ST6GAL1: variants seen among roughly 807,000 people sequenced by gnomAD.
ST6GAL1 encodes the protein ST6 beta-galactoside alpha-2,6-sialyltransferase 1.
In ST6GAL1, 20 loss-of-function variants were observed where a neutral mutation model predicts 38.0. That is an observed-to-expected ratio of 0.53 (90% CI 0.37 to 0.77). ST6GAL1 has a LOEUF of 0.77. ST6GAL1 is among the 30% of genes least tolerant of loss of function. The pLI, the probability that ST6GAL1 is intolerant of heterozygous loss-of-function variation, is 0.00. For synonymous variants in ST6GAL1, 196 were observed against 188.2 expected, an observed-to-expected ratio of 1.04 and a Z score of -0.34; for missense variants, 432 against 496.4, an observed-to-expected ratio of 0.87 and a Z score of 1.23.
intron 5 of ST6GAL1, among the ~76,000 whole-genome samples, chr3:187,055,755 T>C (rs1422826722): frequency 6.6e-6 from 1 of 152,234 alleles, no homozygotes; most frequent in Non-Finnish European, 1.5e-5. Flanking sequence ...ATAAGTGCGA[T>C]GTGGTGCTGA....
chr3:186,947,696 G>A (rs986464240), intron 1 of ST6GAL1, among the ~76,000 whole-genome samples: 1 of 152,144 alleles, frequency 6.6e-6, no homozygotes, highest in African/African-American at 2.4e-5. Flanking sequence ...GTGGCCCCAG[G>A]CTACTTAATC....
intron 2 of ST6GAL1, chr3:186,986,671 G>A (rs1019639340): frequency 2.0e-5 from 3 of 152,140 alleles, no homozygotes; most frequent in Non-Finnish European, 4.4e-5. Flanking sequence ...AGGGTGACTA[G>A]AGTGACACGT....
chr3:187,005,945 A>T (rs1716772335), intron 2 of ST6GAL1, among the ~76,000 whole-genome samples: 1 of 152,114 alleles, frequency 6.6e-6, no homozygotes, highest in African/African-American at 2.4e-5. Context: ...GGCATCTTTG[A>T]CAAGATGGTG....
chr3:186,967,634 AGGC>A, intron 2 of ST6GAL1, among the ~76,000 whole-genome samples: 1 of 152,098 alleles, frequency 6.6e-6, no homozygotes, highest in African/African-American at 2.4e-5. Context: ...TGATTTGGGG[AGGC>A]ACTGCTACGT....
intron 2 of ST6GAL1, among the ~76,000 whole-genome samples, chr3:187,018,184 A>G (rs780215350): frequency 1.3e-5 from 2 of 152,104 alleles, no homozygotes; most frequent in Non-Finnish European, 2.9e-5. Flanking sequence ...GTAATTTTAC[A>G]TTGTTTTTTT....
At chr3:187,009,241 T>A (rs7632665) in intron 2 of ST6GAL1, among the ~76,000 whole-genome samples, 3 of 152,164 alleles carry the variant, frequency 2.0e-5, no homozygotes, top group Admixed American at 6.5e-5. Context: ...AAAAAAACTT[T>A]TAAGTTTTTA....
chr3:187,024,055 C>CAT (rs1717428335), intron 2 of ST6GAL1, among the ~76,000 whole-genome samples: 1 of 151,486 alleles, frequency 6.6e-6, no homozygotes, highest in Admixed American at 6.6e-5. Flanking sequence ...TATATATATA[C>CAT]ATATATATGT....
chr3:186,944,344 T>G (rs1017491182), intron 1 of ST6GAL1, among the ~76,000 whole-genome samples: 2 of 151,496 alleles, frequency 1.3e-5, no homozygotes, highest in African/African-American at 4.9e-5. Context: ...TGAGTAGGAG[T>G]TGGGAAGGTG....
chr3:187,036,103 A>T (rs1717922570), intron 2 of ST6GAL1, among the ~76,000 whole-genome samples: 1 of 152,196 alleles, frequency 6.6e-6, no homozygotes, highest in African/African-American at 2.4e-5. Context: ...AAAGATATGA[A>T]CAGACAATTC....
At chr3:186,976,714 G>A (rs1385966112) in intron 2 of ST6GAL1, among the ~76,000 whole-genome samples, 1 of 152,224 alleles carries the variant, frequency 6.6e-6, no homozygotes, top group African/African-American at 2.4e-5. Flanking sequence ...ACAGGCATGA[G>A]CCACTGTGCC....
chr3:187,072,727 A>G, intron 5 of ST6GAL1, 122 bp from the exon 6 acceptor site: 1 of 836,988 alleles, frequency 1.2e-6, no homozygotes, highest in Non-Finnish European at 2.1e-6. Context: ...CTGCACCAGA[A>G]CTTAGAAGCC....
At chr3:186,947,316 C>G (rs1714404243) in intron 1 of ST6GAL1, among the ~76,000 whole-genome samples, 1 of 152,136 alleles carries the variant, frequency 6.6e-6, no homozygotes, top group Admixed American at 6.5e-5. Flanking sequence ...TGCAATGGTA[C>G]AGAGAAGGTG....
chr3:186,975,897 C>T (rs1448920010), intron 2 of ST6GAL1, among the ~76,000 whole-genome samples: 1 of 152,156 alleles, frequency 6.6e-6, no homozygotes, highest in East Asian at 1.9e-4. Context: ...AACTGGGGAC[C>T]TCGGAGAAAG....
At chr3:186,934,105 T>A (rs1273273229) in intron 1 of ST6GAL1, among the ~76,000 whole-genome samples, 2 of 152,242 alleles carry the variant, frequency 1.3e-5, no homozygotes, top group African/African-American at 4.8e-5. Flanking sequence ...ACTTAACCTC[T>A]TGGGCTCCAG....
At chr3:186,971,343 G>A (rs991623852) in intron 2 of ST6GAL1, among the ~76,000 whole-genome samples, 9 of 152,144 alleles carry the variant, frequency 5.9e-5, no homozygotes, top group Admixed American at 2.6e-4. Context: ...GGTGATCCAC[G>A]TGCCTCGGCC....
chr3:186,979,003 C>T (rs1432177913), intron 2 of ST6GAL1, among the ~76,000 whole-genome samples: 5 of 151,970 alleles, frequency 3.3e-5, no homozygotes, highest in African/African-American at 1.2e-4. Flanking sequence ...ACCACCTCCT[C>T]GGCCCTTAGT....
At chr3:187,065,849 A>G (rs1719090174) in intron 5 of ST6GAL1, among the ~76,000 whole-genome samples, 1 of 152,326 alleles carries the variant, frequency 6.6e-6, no homozygotes, top group East Asian at 1.9e-4. Flanking sequence ...GCCTTCTCTC[A>G]TTTGATCTTC....
At chr3:187,074,483 A>G (rs970313279) in intron 7 of ST6GAL1, 150 bp downstream of exon 7, 3 of 825,938 alleles carry the variant, frequency 3.6e-6, no homozygotes, top group African/African-American at 1.8e-5. Context: ...GCCAAGTTCT[A>G]TCTAAAATAC....
chr3:186,972,183 T>C (rs774014662), intron 2 of ST6GAL1, among the ~76,000 whole-genome samples: 49 of 152,146 alleles, frequency 3.2e-4, no homozygotes, highest in Non-Finnish European at 1.5e-4. Context: ...AATTTGAACC[T>C]GGGGAGTAGG....
Sources: gnomAD v4.1 joint callset for allele counts (sites outside exome capture counted in the v4.1 genomes callset) on GRCh38, gnomAD v4.1.1 for gene constraint, MANE v1.5 for transcripts, NCBI Gene and HGNC (gene_info 2026-07-23, HGNC 2026-07-21) for gene names.